Variants in MAMDC2 observed in about 807,000 individuals in gnomAD.
MAMDC2 encodes MAM domain containing 2.
Under a neutral mutation model 89.8 loss-of-function variants are expected in MAMDC2, and 57 were observed. The observed-to-expected ratio is 0.63, with a 90% CI of 0.51 to 0.79. The LOEUF (loss-of-function observed/expected upper bound fraction) is 0.79, where lower values mean the gene tolerates loss of function less well. Ranked by LOEUF, MAMDC2 falls within the 30% of genes least tolerant of loss-of-function variation. MAMDC2 has a pLI of 0.00. For synonymous variants in MAMDC2, 313 were observed against 293.4 expected, an observed-to-expected ratio of 1.07 and a Z score of -0.68; for missense variants, 800 against 820.6, an observed-to-expected ratio of 0.97 and a Z score of 0.31.
intron 3 of MAMDC2, chr9:70,109,484 C>A: frequency 2.3e-6 from 1 of 429,350 alleles, no homozygotes; most frequent in East Asian, 3.6e-5. Context: ...GCCTTATTTA[C>A]CTTGAAGTTT....
intron 11 of MAMDC2, among the ~76,000 whole-genome samples, chr9:70,171,594 CACA>C (rs2032350843): frequency 6.6e-6 from 1 of 152,154 alleles, no homozygotes; most frequent in Admixed American, 6.6e-5. Context: ...TGAATAAAAG[CACA>C]ACACTTGGTC....
At chr9:70,206,840 T>C (rs1272603949) in intron 11 of MAMDC2, among the ~76,000 whole-genome samples, 2 of 152,274 alleles carry the variant, frequency 1.3e-5, no homozygotes, top group East Asian at 3.9e-4. Context: ...CCAAGTGTTC[T>C]CATTGTTCAA....
intron 9 of MAMDC2, among the ~76,000 whole-genome samples, chr9:70,155,232 AT>A (rs777637303): frequency 2.0e-5 from 3 of 152,032 alleles, no homozygotes; most frequent in Non-Finnish European, 4.4e-5. Context: ...CTCGTCCCCC[AT>A]CCCAGATATT....
chr9:70,208,012 C>A (rs2118653712), intron 11 of MAMDC2, among the ~76,000 whole-genome samples: 1 of 152,252 alleles, frequency 6.6e-6, no homozygotes, highest in South Asian at 2.1e-4. Context: ...GGTACCAGTA[C>A]CATGCTGTTT....
intron 2 of MAMDC2, among the ~76,000 whole-genome samples, chr9:70,106,496 C>A (rs1471436556): frequency 1.3e-5 from 2 of 152,160 alleles, no homozygotes; most frequent in Non-Finnish European, 2.9e-5. Flanking sequence ...ATTCCTCATG[C>A]CACAAGAAGC....
chr9:70,210,287 T>TC (rs1446761420), intron 11 of MAMDC2, among the ~76,000 whole-genome samples: 2 of 55,592 alleles, frequency 3.6e-5, no homozygotes, highest in Non-Finnish European at 8.3e-5. Context: ...TTTGTAGGTC[T>TC]CTAAGGACTT....
At chr9:70,169,217 T>C (rs957042030) in intron 10 of MAMDC2, among the ~76,000 whole-genome samples, 9 of 152,204 alleles carry the variant, frequency 5.9e-5, no homozygotes, top group African/African-American at 1.9e-4. Context: ...ATTTAAAAAT[T>C]TTAATAAACA....
chr9:70,214,155 T>C (rs1397183742), intron 11 of MAMDC2, among the ~76,000 whole-genome samples: 1 of 152,184 alleles, frequency 6.6e-6, no homozygotes, highest in African/African-American at 2.4e-5. Context: ...AAGAAAATTA[T>C]ACAGTATGTT....
In MAMDC2 at chr9:70,226,022, T is replaced by C; in HGVS notation, c.2051T>C (p.Ile684Thr). ...GGATATTCTGAGGACTTAAATGAAA[T>C]TGAGTATTAAGAAATGATCTGCATT... ...SSGYSEDLNE[I>T]EY Residue 684 changes from isoleucine (I) to threonine (T), a missense_variant, in exon 14 of 14, where the codon ATT (isoleucine) becomes ACT (threonine). By Grantham distance (89) the Ile-to-Thr change is moderately conservative. Coordinates refer to ENST00000377182, the MANE Select transcript of MAMDC2 (RefSeq NM_153267.5). 6.4e-7 allele frequency: 1 copy of C among 1,569,024 alleles called. No individual in the cohort carries two copies. The highest frequency in any genetic ancestry group is 8.7e-7 in the Non-Finnish European group (1 of 1,151,382).
chr9:70,084,856 G>A (rs1300029607), intron 2 of MAMDC2, among the ~76,000 whole-genome samples: 3 of 150,368 alleles, frequency 2.0e-5, no homozygotes, highest in Non-Finnish European at 4.4e-5. Context: ...GGCCAGAAAG[G>A]GGAAAAGTCT....
At chr9:70,112,273 C>G (rs1275971527) in intron 4 of MAMDC2, among the ~76,000 whole-genome samples, 4 of 152,048 alleles carry the variant, frequency 2.6e-5, no homozygotes, top group Admixed American at 2.0e-4. Context: ...TGATGGAGAC[C>G]AATATATCCA....
intron 11 of MAMDC2, among the ~76,000 whole-genome samples, chr9:70,199,507 A>C (rs2033051993): frequency 1.3e-5 from 2 of 148,748 alleles, no homozygotes; most frequent in East Asian, 4.0e-4. Flanking sequence ...GCCGCAATAA[A>C]CATACGTGTG....
In MAMDC2 at chr9:70,179,392, C is replaced by T. The variant is rs372684397; in HGVS notation, c.1651+8761C>T. 2.0e-4 allele frequency among the ~76,000 whole-genome samples: 30 copies of T among 151,606 alleles called. 2 individuals carry two copies. The highest frequency in any genetic ancestry group is 7.0e-4 in the African/African-American group (29 of 41,352). On this transcript the variant is annotated intron_variant, in intron 11 of 13. Coordinates refer to ENST00000377182, the MANE Select transcript of MAMDC2 (RefSeq NM_153267.5). ...ACACAAAATTAGCTGGGTGTGGTGGCGGGTGCCTGTAGTCCCAGCTACTTG... is the reference window on the plus strand; with the variant it reads ...ACACAAAATTAGCTGGGTGTGGTGGTGGGTGCCTGTAGTCCCAGCTACTTG...
At chr9:70,221,407 A>AGAGAGAGAGAGG (rs1491076799) in intron 12 of MAMDC2, among the ~76,000 whole-genome samples, 5 of 119,900 alleles carry the variant, frequency 4.2e-5, no homozygotes, top group African/African-American at 1.6e-4. Context: ...AGAGAGAGAG[A>AGAGAGAGAGAGG]GTAACATCAG....
chr9:70,068,413 CAA>C (rs1192365484), intron 2 of MAMDC2, among the ~76,000 whole-genome samples: 1 of 151,884 alleles, frequency 6.6e-6, no homozygotes, highest in Non-Finnish European at 1.5e-5. Flanking sequence ...ACCTTTTCTT[CAA>C]AAGACTAAAA....
intron 2 of MAMDC2, among the ~76,000 whole-genome samples, chr9:70,070,574 T>A (rs1587443198): frequency 6.6e-6 from 1 of 152,196 alleles, no homozygotes; most frequent in East Asian, 1.9e-4. Flanking sequence ...ACATAGTAGG[T>A]GTTCAGTAAC....
At chr9:70,222,603 T>C (rs1425391585) in intron 12 of MAMDC2, among the ~76,000 whole-genome samples, 2 of 152,150 alleles carry the variant, frequency 1.3e-5, no homozygotes, top group African/African-American at 4.8e-5. Flanking sequence ...GATTTATTAG[T>C]GCTAAGCAGA....
intron 2 of MAMDC2, chr9:70,087,481 A>C (rs568955679): frequency 6.6e-6 from 1 of 152,126 alleles, no homozygotes; most frequent in African/African-American, 2.4e-5. Flanking sequence ...TCTCATGGAA[A>C]GAAAACTTCT....
intron 7 of MAMDC2, among the ~76,000 whole-genome samples, chr9:70,138,683 G>T (rs775931073): frequency 3.3e-5 from 5 of 151,918 alleles, no homozygotes; most frequent in Non-Finnish European, 5.9e-5. Flanking sequence ...ATACCTGTTG[G>T]CCATTTGTAT....
Sources: allele counts gnomAD v4.1 joint callset (sites outside exome capture counted in the v4.1 genomes callset), GRCh38; gene constraint gnomAD v4.1.1; transcripts MANE v1.5; gene names NCBI Gene and HGNC (gene_info 2026-07-23, HGNC 2026-07-21).